WDR49: variants seen among roughly 807,000 people sequenced by gnomAD.
WDR49 encodes the protein cilia- and flagella-associated protein 337.
Under a neutral mutation model 119.5 loss-of-function variants are expected in WDR49, and 107 were observed. The ratio of observed to expected loss-of-function variants is 0.90; its 90% CI spans 0.77 to 1.05. The LOEUF (loss-of-function observed/expected upper bound fraction) is 1.05, where lower values mean the gene tolerates loss of function less well. WDR49 is among the 50% of genes least tolerant of loss of function. The pLI is 0.00. For missense variants in WDR49, 1,240 were observed against 1,220.5 expected, an observed-to-expected ratio of 1.02 and a Z score of -0.24; for synonymous variants, 425 against 418.8, an observed-to-expected ratio of 1.01 and a Z score of -0.18.
At chr3:167,548,229 T>C (rs191852095) in intron 10 of WDR49, among the ~76,000 whole-genome samples, 277 of 152,120 alleles carry the variant, frequency 1.8e-3, no homozygotes, top group African/African-American at 6.5e-3. Flanking sequence ...TTATACAGGA[T>C]GACACTAAGG....
chr3:167,535,998 A>G (rs1472921148), intron 11 of WDR49, among the ~76,000 whole-genome samples: 1 of 152,130 alleles, frequency 6.6e-6, no homozygotes, highest in Non-Finnish European at 1.5e-5. Flanking sequence ...GACAAATATC[A>G]CATCATATCA....
rs193277174 is a variant in WDR49, at chr3:167,568,510, C to T, written c.1509+7408G>A. ...GTTTTTTCACCTGCTGGTGTAACTA[C>T]GGCAGTGGTTTCATTAATTTCTTTT... On this transcript the variant is annotated intron_variant, in intron 8 of 18. Coordinates refer to ENST00000682715, the MANE Select transcript of WDR49 (RefSeq NM_001366157.1). Among the ~76,000 whole-genome samples, 55 of 152,262 alleles carry T rather than the reference C, an allele frequency of 3.6e-4. No individual in the cohort carries two copies. The East Asian group carries it at 7.3e-3, about 20-fold the overall frequency.
At chr3:167,554,985 A>G (rs776743964) in intron 9 of WDR49, among the ~76,000 whole-genome samples, 187 bp from the exon 10 acceptor site, 18 of 152,188 alleles carry the variant, frequency 1.2e-4, no homozygotes, top group Non-Finnish European at 1.8e-4. Context: ...TCTCGGCACA[A>G]TAACTTTTAA....
intron 18 of WDR49, among the ~76,000 whole-genome samples, chr3:167,486,544 A>G (rs1750926290): frequency 6.6e-6 from 1 of 152,182 alleles, no homozygotes; most frequent in South Asian, 2.1e-4. Context: ...GCCTCACAGT[A>G]AAGAAATAGA....
At chr3:167,626,745 A>T in intron 3 of WDR49, 107 bp downstream of exon 3, 1 of 929,250 alleles carries the variant, frequency 1.1e-6, no homozygotes, top group Non-Finnish European at 1.4e-6. Context: ...AGGTCAGGAG[A>T]AAGCCACCAA....
chr3:167,479,005 T>G lies in WDR49; in HGVS notation c.3032-9A>C. 2 of 1,557,242 alleles carry G rather than the reference T, an allele frequency of 1.3e-6. No homozygotes were observed. The highest frequency in any genetic ancestry group is 1.8e-6 in the Non-Finnish European group (2 of 1,141,628). Reference sequence around the variant, plus strand: ...AAATACAGCTTTCAAAGCTACAAAATGATGAGGAAAATCACAAGTGAATTA... The same window carrying G: ...AAATACAGCTTTCAAAGCTACAAAAGGATGAGGAAAATCACAAGTGAATTA... On this transcript the variant is annotated splice_polypyrimidine_tract_variant and intron_variant, in intron 18 of 18. Coordinates refer to ENST00000682715, the MANE Select transcript of WDR49 (RefSeq NM_001366157.1).
intron 8 of WDR49, among the ~76,000 whole-genome samples, chr3:167,560,860 C>T (rs1404458386): frequency 1.3e-5 from 2 of 149,954 alleles, no homozygotes; most frequent in Admixed American, 6.6e-5. Context: ...AAGACAAATG[C>T]TAGAAGGGAA....
Position 167,504,889 on chromosome 3 carries a change from C to A in WDR49, c.2884+418G>T, listed in dbSNP as rs184988219. On this transcript the variant is annotated intron_variant, in intron 17 of 18. Coordinates refer to ENST00000682715, the MANE Select transcript of WDR49 (RefSeq NM_001366157.1). The stretch of plus-strand genomic sequence containing the variant: ...TGGCTGTTGAAAGTGTGTAGCACCT[C>A]CCCCACTCCCTCTTGCTCCTGCTGT... Among the ~76,000 whole-genome samples the A allele has an allele frequency of 3.9e-5, 6 of 152,222 alleles. No homozygotes were observed. In the East Asian group the frequency reaches 1.2e-3, roughly 29 times the overall value.
intron 10 of WDR49, among the ~76,000 whole-genome samples, chr3:167,545,508 A>T (rs1560278860): frequency 9.5e-6 from 1 of 105,298 alleles, no homozygotes; most frequent in Non-Finnish European, 2.2e-5. Flanking sequence ...TATATTATAT[A>T]TTATATATAT....
intron 12 of WDR49, 85 bp from the exon 13 acceptor site, chr3:167,531,364 C>G: frequency 7.0e-7 from 1 of 1,433,194 alleles, no homozygotes; most frequent in Non-Finnish European, 9.6e-7. Context: ...AGGCCCACAT[C>G]TATCACTATA....
intron 15 of WDR49, among the ~76,000 whole-genome samples, chr3:167,525,288 A>G (rs1241888393): frequency 6.6e-6 from 1 of 152,056 alleles, no homozygotes; most frequent in Non-Finnish European, 1.5e-5. Context: ...GTTCTTTATC[A>G]ACTTAAGGAG....
chr3:167,642,802 T>C (rs1031845510), intron 2 of WDR49, among the ~76,000 whole-genome samples: 10 of 151,978 alleles, frequency 6.6e-5, no homozygotes, highest in African/African-American at 2.4e-4. Flanking sequence ...GATGAAAATA[T>C]GTTAAAAGGA....
chr3:167,617,181 T>C lies in WDR49; in HGVS notation c.958+3248A>G, dbSNP rs969859943. Among the ~76,000 whole-genome samples the C allele has an allele frequency of 6.6e-5, 10 of 152,160 alleles. No individual in the cohort carries two copies. In the South Asian group the frequency reaches 1.5e-3, roughly 22 times the overall value. Reference sequence around the variant, plus strand: ...GCAAAATAAAGAGTTTGATGTAAGGTGAAGTGGCAAAAAATAAAGGACGTT... The same window carrying C: ...GCAAAATAAAGAGTTTGATGTAAGGCGAAGTGGCAAAAAATAAAGGACGTT... On this transcript the variant is annotated intron_variant, in intron 5 of 18. Transcript: ENST00000682715.
chr3:167,632,708 A>G (rs1717427459), intron 2 of WDR49, among the ~76,000 whole-genome samples: 1 of 152,076 alleles, frequency 6.6e-6, no homozygotes, highest in Non-Finnish European at 1.5e-5. Flanking sequence ...CAAATGCATT[A>G]ACTTTTACCA....
At chr3:167,557,792 T>C (rs1224500361) in intron 9 of WDR49, among the ~76,000 whole-genome samples, 1 of 151,120 alleles carries the variant, frequency 6.6e-6, no homozygotes, top group African/African-American at 2.4e-5. Flanking sequence ...ACCAACCTTA[T>C]AGATATACAT....
chr3:167,608,350 C>T (rs769350088), intron 5 of WDR49, among the ~76,000 whole-genome samples: 1 of 152,172 alleles, frequency 6.6e-6, no homozygotes, highest in Non-Finnish European at 1.5e-5. Context: ...AAAATTACTT[C>T]GTCATGTGTT....
At chr3:167,617,264 C>T (rs1716640979) in intron 5 of WDR49, among the ~76,000 whole-genome samples, 1 of 152,198 alleles carries the variant, frequency 6.6e-6, no homozygotes, top group African/African-American at 2.4e-5. Flanking sequence ...CAGTGGCTCA[C>T]ACCTATAATC....
intron 2 of WDR49, among the ~76,000 whole-genome samples, chr3:167,641,499 A>G (rs532855832): frequency 1.3e-5 from 2 of 151,932 alleles, no homozygotes; most frequent in East Asian, 3.9e-4. Context: ...ATATGACCCA[A>G]TTTCTTAGGC....
At chr3:167,655,029 A>G (rs1437591929), upstream of WDR49, among the ~76,000 whole-genome samples, 1 of 152,170 alleles carries the variant, frequency 6.6e-6, no homozygotes, top group Non-Finnish European at 1.5e-5. Flanking sequence ...GCTAATGAAG[A>G]CATACCTGAG....
Sources: allele counts gnomAD v4.1 joint callset (sites outside exome capture counted in the v4.1 genomes callset), GRCh38; gene constraint gnomAD v4.1.1; transcripts MANE v1.5; gene names NCBI Gene and HGNC (gene_info 2026-07-23, HGNC 2026-07-21).